The following FAM184A variants were observed in gnomAD, a reference collection of about 807,000 sequenced individuals.
FAM184A encodes family with sequence similarity 184 member A, also known as protein FAM184A.
Under a neutral mutation model 143.8 loss-of-function variants are expected in FAM184A, and 99 were observed. The ratio of observed to expected loss-of-function variants is 0.69; its 90% CI spans 0.58 to 0.81. FAM184A has a LOEUF of 0.81. Among genes scored for constraint, FAM184A ranks in the 40% least tolerant of loss-of-function variants. The pLI, the probability that FAM184A is intolerant of heterozygous loss-of-function variation, is 0.00. For missense variants in FAM184A, 1,217 were observed against 1,310.5 expected (o/e 0.93, Z 1.10); for synonymous variants, 427 against 446.4 (o/e 0.96, Z 0.55).
At chr6:119,006,188 A>C (rs1169513901) in intron 7 of FAM184A, 3 of 765,158 alleles carry the variant, frequency 3.9e-6, no homozygotes, top group African/African-American at 3.4e-5. Flanking sequence ...TGGAAAATAC[A>C]AGGACGGATC....
rs528658481 is a variant in FAM184A at position 119,054,102 on chromosome 6, T to C, written c.159+24039A>G. ...CCTTTAGAGAAAAAAAAAAATCATA[T>C]ATAATTTAATGACAACCTTCCCAAT... On this transcript the variant is annotated intron_variant, in intron 1 of 17. Transcript: ENST00000338891. 3.9e-5 allele frequency among the ~76,000 whole-genome samples: 6 copies of C among 152,028 alleles called. No individual in the cohort carries two copies. The South Asian group carries it at 1.0e-3, about 26-fold the overall frequency.
rs779874610 is a variant in FAM184A, at chr6:119,011,450, T to C, written c.1531-19A>G. On this transcript the variant is annotated intron_variant, in intron 5 of 17. Coordinates refer to ENST00000338891, the MANE Select transcript of FAM184A (RefSeq NM_024581.6). The stretch of plus-strand genomic sequence containing the variant: ...CCAAATCCTTAGAAAAAGAAATTTT[T>C]TAAAAATTAACAAAATTGCAAGTAT... 1 of 1,416,520 alleles carries C rather than the reference T, an allele frequency of 7.1e-7. No individual in the cohort carries two copies. Among genetic ancestry groups the C allele is most frequent in the Admixed American group, 2.3e-5 (1 of 43,550 alleles). The allele number at this position is 1,416,520 out of a possible 1,614,324, so 87.7% of individuals were successfully genotyped here.
At chr6:119,061,823 A>G (rs1321631730) in intron 1 of FAM184A, among the ~76,000 whole-genome samples, 1 of 152,090 alleles carries the variant, frequency 6.6e-6, no homozygotes, top group Non-Finnish European at 1.5e-5. Context: ...AAAGGATACA[A>G]AAGTACCCTG....
rs1458838169 is a variant in FAM184A, at chr6:118,967,168, C to CAGGTTACTTCTGAAGA, written c.2916-232_2916-217dup. Among the ~76,000 whole-genome samples the CAGGTTACTTCTGAAGA allele has an allele frequency of 1.7e-4, 26 of 152,172 alleles. 1 individual carries two copies. Among genetic ancestry groups the CAGGTTACTTCTGAAGA allele is most frequent in the African/African-American group, 6.3e-4 (26 of 41,444 alleles). On this transcript the variant is annotated intron_variant, in intron 14 of 17. Coordinates refer to ENST00000338891, the MANE Select transcript of FAM184A (RefSeq NM_024581.6). Reference sequence around the variant, plus strand: ...GTAGATGGTACTATGAAAGGCTTTGCAGGTTACTTCTGAAGAAGTCACTCA... The same window carrying CAGGTTACTTCTGAAGA: ...GTAGATGGTACTATGAAAGGCTTTGCAGGTTACTTCTGAAGAAGGTTACTTCTGAAGAAGTCACTCA...
intron 1 of FAM184A, among the ~76,000 whole-genome samples, chr6:119,025,137 G>C (rs1340588040): frequency 2.0e-5 from 3 of 152,140 alleles, no homozygotes; most frequent in Non-Finnish European, 4.4e-5. Flanking sequence ...CTAAGAGAAA[G>C]GAGTTCTCAT....
chr6:119,113,070 C>T (rs983917181), intron 1 of FAM184A, among the ~76,000 whole-genome samples: 5 of 152,140 alleles, frequency 3.3e-5, no homozygotes, highest in African/African-American at 4.8e-5. Flanking sequence ...GGGTCCACAC[C>T]GCCCCAGTAT....
intron 1 of FAM184A, among the ~76,000 whole-genome samples, chr6:119,072,942 AT>A (rs1787746031): frequency 6.6e-6 from 1 of 151,890 alleles, no homozygotes; most frequent in Non-Finnish European, 1.5e-5. Flanking sequence ...TTGCTGTATC[AT>A]TATGACCACC....
chr6:119,072,638 ATGAC>A lies in FAM184A; in HGVS notation c.159+5499_159+5502del, dbSNP rs201551048. Among the ~76,000 whole-genome samples the A allele has an allele frequency of 4.7e-3, 709 of 152,352 alleles. 4 individuals are homozygous for A. The highest frequency in any genetic ancestry group is 0.016 in the African/African-American group (671 of 41,578). ...ATAGTAAAAGCAGAGTTAGTATAAAATGACTGATCACAAGGCTTTTTTATATTTG... is the reference window on the plus strand; with the variant it reads ...ATAGTAAAAGCAGAGTTAGTATAAAATGATCACAAGGCTTTTTTATATTTG... On this transcript the variant is annotated intron_variant, in intron 1 of 17. Transcript: ENST00000338891.
At chr6:119,127,671 G>A (rs1459538397) in intron 1 of FAM184A, among the ~76,000 whole-genome samples, 1 of 152,168 alleles carries the variant, frequency 6.6e-6, no homozygotes, top group Non-Finnish European at 1.5e-5. Context: ...CAGGAGGGAA[G>A]CAGCTACCCT....
intron 1 of FAM184A, among the ~76,000 whole-genome samples, chr6:119,119,022 C>T (rs189417533): frequency 1.5e-3 from 222 of 152,260 alleles, no homozygotes; most frequent in African/African-American, 5.1e-3. Flanking sequence ...CCCTTGGGTG[C>T]GGCTGTCTTC....
chr6:119,112,450 G>C (rs1413168399), intron 1 of FAM184A, among the ~76,000 whole-genome samples: 1 of 152,164 alleles, frequency 6.6e-6, no homozygotes. Context: ...ACTTCAAATT[G>C]AACGTGCCAT....
Position 119,078,223 on chromosome 6 carries a change from G to T in FAM184A, c.77C>A (p.Thr26Asn), listed in dbSNP as rs1451333825. 3 of 1,549,544 alleles carry T rather than the reference G, an allele frequency of 1.9e-6. No individual in the cohort carries two copies. The highest frequency in any genetic ancestry group is 2.6e-6 in the Non-Finnish European group (3 of 1,151,220). ...CATGCTGTGCCCAGCCAGCTGTGCG[G>T]TGGCCGGCGAGGGCGCGAATTTGGC... ...SAAKFAPSPA[T>N]AQLAGHSMDY... Residue 26 changes from threonine (T) to asparagine (N), a missense_variant, in exon 1 of 18, where the codon ACC (threonine) becomes AAC (asparagine). By Grantham distance (65) the Thr-to-Asn change is moderately conservative. Transcript: ENST00000338891. The surrounding 1 kb of genome is among the most constrained non-coding windows in gnomAD (Gnocchi z 5.5).
chr6:119,113,934 T>C (rs931213574), intron 1 of FAM184A, among the ~76,000 whole-genome samples: 1 of 152,120 alleles, frequency 6.6e-6, no homozygotes, highest in African/African-American at 2.4e-5. Context: ...AGAGAAACTA[T>C]GTCTCAAAAT....
chr6:118,989,039 G>A (rs1784279365), intron 9 of FAM184A, among the ~76,000 whole-genome samples: 1 of 148,102 alleles, frequency 6.8e-6, no homozygotes, highest in Non-Finnish European at 1.5e-5. Context: ...TCGGCTCGGT[G>A]CAAGCTCCGC....
intron 9 of FAM184A, among the ~76,000 whole-genome samples, chr6:119,001,167 C>A (rs1028092568): frequency 1.3e-5 from 2 of 148,796 alleles, no homozygotes. Context: ...TAGCATCATA[C>A]CCATTTTTAC....
At chr6:118,986,247 T>G (rs1334175971) in intron 9 of FAM184A, among the ~76,000 whole-genome samples, 1 of 151,886 alleles carries the variant, frequency 6.6e-6, no homozygotes, top group African/African-American at 2.4e-5. Context: ...GAGCCGAGAT[T>G]GCGCCACTGC....
intron 1 of FAM184A, among the ~76,000 whole-genome samples, chr6:119,144,201 G>T (rs537085637): frequency 5.1e-4 from 77 of 151,522 alleles, no homozygotes; most frequent in African/African-American, 1.7e-3. Context: ...GGGTGTGGTG[G>T]CGGGCGCCTG....
chr6:119,118,822 C>A (rs1789130188), intron 1 of FAM184A, among the ~76,000 whole-genome samples: 1 of 151,808 alleles, frequency 6.6e-6, no homozygotes, highest in Admixed American at 6.6e-5. Flanking sequence ...GAAAAAAAAA[C>A]AAGATAACAG....
intron 14 of FAM184A, among the ~76,000 whole-genome samples, chr6:118,971,702 C>A (rs1012129331): frequency 6.6e-6 from 1 of 152,186 alleles, no homozygotes; most frequent in Non-Finnish European, 1.5e-5. Context: ...ACTTCCAGCA[C>A]CAAAGCGGAT....
Sources: allele counts gnomAD v4.1 joint callset (sites outside exome capture counted in the v4.1 genomes callset), GRCh38; gene constraint gnomAD v4.1.1; non-coding constraint Gnocchi (gnomAD v3.1); transcripts MANE v1.5; gene names NCBI Gene and HGNC (gene_info 2026-07-23, HGNC 2026-07-21).